RPS29: variants seen among roughly 807,000 people sequenced by gnomAD.
The protein encoded by RPS29 is ribosomal protein S29, also known as small ribosomal subunit protein uS14.
For synonymous variants in RPS29, 37 were observed against 26.9 expected, an observed-to-expected ratio of 1.37 and a Z score of -1.16; for missense variants, 60 against 75.7, an observed-to-expected ratio of 0.79 and a Z score of 0.77.
At chr14:49,584,961 T>G (rs1881473135) in intron 2 of RPS29, among the ~76,000 whole-genome samples, 1 of 151,958 alleles carries the variant, frequency 6.6e-6, no homozygotes, top group Non-Finnish European at 1.5e-5. Context: ...AACACTAGCT[T>G]GACTAAGATG....
upstream of RPS29, among the ~76,000 whole-genome samples, chr14:49,590,617 C>G (rs770829101): frequency 6.6e-6 from 1 of 152,108 alleles, no homozygotes; most frequent in Non-Finnish European, 1.5e-5. Flanking sequence ...ACATGTTTCG[C>G]ATGTTTGGTT....
At chr14:49,578,331 T>A (rs1881242614) in intron 2 of RPS29, among the ~76,000 whole-genome samples, 1 of 152,150 alleles carries the variant, frequency 6.6e-6, no homozygotes, top group African/African-American at 2.4e-5. Context: ...ATCTGGATAC[T>A]CAATCTCTAA....
At chr14:49,577,747 G>T in exon 3 of RPS29, 3 of 1,257,380 alleles carry the variant, frequency 2.4e-6, no homozygotes, top group Non-Finnish European at 3.5e-6. Context: ...TGAACTTGGT[G>T]CTCTTTTTGA....
At chr14:49,592,370 T>TG (rs1472845731) in intron 1 of RPS29, 1 of 149,514 alleles carries the variant, frequency 6.7e-6, no homozygotes, top group African/African-American at 2.5e-5. Context: ...TATGTTTTTT[T>TG]TTTTTTTTTT....
downstream of RPS29, chr14:49,583,543 A>T: frequency 4.0e-6 from 4 of 1,004,486 alleles, no homozygotes; most frequent in Non-Finnish European, 5.8e-6. Flanking sequence ...ACAATTAGCT[A>T]TTCCAGTCAC....
chr14:49,573,150 G>T (rs1319891551), exon 3 of RPS29: 1 of 151,792 alleles, frequency 6.6e-6, no homozygotes, highest in Non-Finnish European at 1.5e-5. Context: ...GCAAGAGAAA[G>T]AGATTACCAA....
upstream of RPS29, among the ~76,000 whole-genome samples, chr14:49,588,959 TCGGCCCACTGCAAGCTCCGCCTCC>T (rs2139517791): frequency 7.0e-6 from 1 of 142,620 alleles, no homozygotes; most frequent in South Asian, 2.5e-4. Context: ...TGGTGCGATC[TCGGCCCACTGCAAGCTCCGCCTCC>T]CGGGTTCACG....
At chr14:49,593,365 G>C (rs544860283) in intron 1 of RPS29, among the ~76,000 whole-genome samples, 2 of 152,222 alleles carry the variant, frequency 1.3e-5, no homozygotes, top group Non-Finnish European at 2.9e-5. Context: ...ATTTTGAACA[G>C]GATAAAATTC....
upstream of RPS29, chr14:49,586,454 T>G: frequency 1.0e-6 from 1 of 965,538 alleles, no homozygotes; most frequent in Non-Finnish European, 1.7e-6. Flanking sequence ...AGGAAACGCG[T>G]GCGCAGTGTG....
chr14:49,585,576 CTA>C (rs1486274217), intron 2 of RPS29: 3 of 324,978 alleles, frequency 9.2e-6, no homozygotes, highest in Non-Finnish European at 1.6e-5. Context: ...GAGGGAGACC[CTA>C]TCTCTAAAAA....
rs565432019 is a variant in RPS29 at position 49,573,078 on chromosome 14, A to T, written c.*4734T>A. The T allele has an allele frequency of 4.1e-5, 6 of 146,832 alleles. No homozygotes were observed. In the Admixed American group the frequency reaches 4.2e-4, roughly 10 times the overall value. 9.1% of individuals were successfully genotyped at this position (146,832 alleles called of 1,614,324 possible). A position where few individuals can be genotyped will look rare whatever the true frequency, so the allele number is the denominator to read the frequency against. ...GTGAGACCCTGTCTCCAAAGAAAAA[A>T]AAGAAGAAAGAAAGAAAGAAAGAAG... On this transcript the variant is annotated 3_prime_UTR_variant, in exon 3 of 3. Transcript: ENST00000396020.
downstream of RPS29, among the ~76,000 whole-genome samples, chr14:49,579,252 GA>G (rs1480547433): frequency 6.6e-6 from 1 of 152,178 alleles, no homozygotes; most frequent in Non-Finnish European, 1.5e-5. Context: ...TATGAGTCAG[GA>G]AACAGCTCTC....
chr14:49,584,625 G>A (rs184688792), intron 2 of RPS29, among the ~76,000 whole-genome samples: 3 of 152,200 alleles, frequency 2.0e-5, no homozygotes, highest in East Asian at 1.9e-4. Flanking sequence ...TAGGCCGGGC[G>A]TGGTGGCAGA....
chr14:49,591,908 C>A (rs1249605739), intron 1 of RPS29, among the ~76,000 whole-genome samples: 2 of 152,120 alleles, frequency 1.3e-5, no homozygotes, highest in African/African-American at 4.8e-5. Flanking sequence ...GCATGAGCCA[C>A]CACGCCCGGC....
chr14:49,584,854 C>T lies in RPS29; in HGVS notation c.162+1096G>A, dbSNP rs78522441. Among the ~76,000 whole-genome samples, 991 of 151,396 alleles carry T rather than the reference C, an allele frequency of 6.5e-3. 3 individuals carry two copies. Among genetic ancestry groups the T allele is most frequent in the Non-Finnish European group, 7.5e-3 (507 of 67,842 alleles). ...GCTGGTGATTTTTATCTCAAAGAGC[C>T]AATAATAAATTCGTTTTCACCTTAA... On this transcript the variant is annotated intron_variant, in intron 2 of 2. Coordinates refer to ENST00000245458, the MANE Select transcript of RPS29 (RefSeq NM_001032.5).
At chr14:49,598,568 G>T (rs1350549443) in exon 1 of RPS29, 1 of 702,260 alleles carries the variant, frequency 1.4e-6, no homozygotes, top group Non-Finnish European at 2.6e-6. Flanking sequence ...CACTCAGACA[G>T]TTCTAAGTGC....
downstream of RPS29, among the ~76,000 whole-genome samples, chr14:49,580,795 G>C (rs1881311865): frequency 6.6e-6 from 1 of 152,106 alleles, no homozygotes. Flanking sequence ...TGAGGCAGGA[G>C]AATCGCCTGA....
upstream of RPS29, chr14:49,586,452 C>G (rs1187728412): frequency 6.1e-6 from 6 of 985,904 alleles, no homozygotes; most frequent in Non-Finnish European, 8.1e-6. Context: ...AAAGGAAACG[C>G]GTGCGCAGTG....
intron 1 of RPS29, chr14:49,598,256 C>T: frequency 1.7e-6 from 1 of 589,398 alleles, no homozygotes; most frequent in Non-Finnish European, 3.0e-6. Context: ...TTAACATTTG[C>T]TCCCCAGGCG....
Sources: allele counts gnomAD v4.1 joint callset (sites outside exome capture counted in the v4.1 genomes callset), GRCh38; gene constraint gnomAD v4.1.1; transcripts MANE v1.5; gene names NCBI Gene and HGNC (gene_info 2026-07-23, HGNC 2026-07-21).